The following DIP2B variants were observed in gnomAD, a reference collection of about 807,000 sequenced individuals.
DIP2B encodes the protein DIP2 acetate--CoA ligase B (putative).
DIP2B carries 76 observed loss-of-function variants against 198.0 expected under a neutral mutation model. The observed-to-expected ratio is 0.38, with a 90% CI of 0.32 to 0.46. The LOEUF is 0.46. DIP2B is among the 20% of genes least tolerant of loss of function. DIP2B has a pLI of 0.99. For missense variants in DIP2B, 1,559 were observed against 1,978.4 expected (o/e 0.79, Z 4.02); for synonymous variants, 701 against 739.1 (o/e 0.95, Z 0.84).
chr12:50,639,723 G>A (rs1938221654), intron 2 of DIP2B, among the ~76,000 whole-genome samples: 1 of 151,980 alleles, frequency 6.6e-6, no homozygotes, highest in Admixed American at 6.6e-5. Context: ...CTGCCTTGCT[G>A]GGCATAACCG....
chr12:50,690,280 G>A (rs961620469), intron 12 of DIP2B, among the ~76,000 whole-genome samples: 11 of 152,230 alleles, frequency 7.2e-5, no homozygotes, highest in Admixed American at 2.0e-4. Context: ...TAGAGACGTC[G>A]TTTCACCACA....
At chr12:50,669,617 G>A (rs1374317543) in intron 4 of DIP2B, among the ~76,000 whole-genome samples, 1 of 152,168 alleles carries the variant, frequency 6.6e-6, no homozygotes, top group Non-Finnish European at 1.5e-5. Context: ...TAAAGACAGG[G>A]TTTCGCGATG....
chr12:50,586,025 A>G (rs1958767411), intron 1 of DIP2B, among the ~76,000 whole-genome samples: 1 of 152,224 alleles, frequency 6.6e-6, no homozygotes, highest in South Asian at 2.1e-4. Flanking sequence ...TCCCACAAAC[A>G]CATGGCATTC....
At position 50,583,332 on chromosome 12, in the gene DIP2B, A is replaced by G. The variant is rs897915818; in HGVS notation, c.101-42644A>G. Among the ~76,000 whole-genome samples, 4 of 151,022 alleles carry G rather than the reference A, an allele frequency of 2.6e-5. No individual in the cohort carries two copies. The Middle Eastern group carries it at 0.01, about 388-fold the overall frequency. ...TTTTTGGCAGCCAGACTCCTCTTCTATTGTGTCCCTCCAGTTGGTTATAGT... is the reference window on the plus strand; with the variant it reads ...TTTTTGGCAGCCAGACTCCTCTTCTGTTGTGTCCCTCCAGTTGGTTATAGT... On this transcript the variant is annotated intron_variant, in intron 1 of 37. Transcript: ENST00000301180.
chr12:50,718,983 G>A lies in DIP2B; in HGVS notation c.2990G>A (p.Trp997Ter). Residue 997 changes from tryptophan (W) to a stop codon, truncating the protein, a stop_gained, in exon 25 of 38, where the codon TGG becomes TAG. Coordinates refer to ENST00000301180, the MANE Select transcript of DIP2B (RefSeq NM_173602.3). LOFTEE classifies it high-confidence loss of function. ...CAGTTTCTGGCAGAGATCCTACAGT[G>A]GCGAGCCCAGGCGACTCCTGACCAT... ...KHQFLAEILQWRAQATPDHVL... is the reference protein window; with the variant it reads ...KHQFLAEILQ The A allele has an allele frequency of 6.2e-7, 1 of 1,614,170 alleles. No individual in the cohort carries two copies.
Position 50,640,872 on chromosome 12 carries a change from T to C in DIP2B, c.301+20T>C, listed in dbSNP as rs1938244028. ...GATCAGGTGAGGAGAAGCTGCAGAA[T>C]GGCCAGCTGAATCGTTTTCCTAACA... On this transcript the variant is annotated intron_variant, in intron 3 of 37. Transcript: ENST00000301180. 2 of 1,607,250 alleles carry C rather than the reference T, an allele frequency of 1.2e-6. No individual in the cohort carries two copies. The highest frequency in any genetic ancestry group is 1.7e-6 in the Non-Finnish European group (2 of 1,177,448).
At chr12:50,535,233 A>C (rs554321597) in intron 1 of DIP2B, among the ~76,000 whole-genome samples, 2 of 152,228 alleles carry the variant, frequency 1.3e-5, no homozygotes, top group East Asian at 1.9e-4. Context: ...GCCTATCTCA[A>C]AAAGAAGAAA....
intron 3 of DIP2B, among the ~76,000 whole-genome samples, chr12:50,645,149 A>T (rs1027560967): frequency 6.6e-6 from 1 of 152,232 alleles, no homozygotes; most frequent in Non-Finnish European, 1.5e-5. Context: ...TAAATGCAGT[A>T]TAAAATTATT....
At chr12:50,628,535 C>T (rs189636689) in intron 2 of DIP2B, among the ~76,000 whole-genome samples, 7 of 152,260 alleles carry the variant, frequency 4.6e-5, no homozygotes, top group Admixed American at 4.6e-4. Context: ...CTTGGTATGC[C>T]GTTGCTGTCA....
intron 1 of DIP2B, among the ~76,000 whole-genome samples, chr12:50,511,295 T>TTTTTTTTG (rs1958014317): frequency 8.9e-6 from 1 of 112,108 alleles, no homozygotes; most frequent in African/African-American, 3.5e-5. Flanking sequence ...ATTTCTATTT[T>TTTTTTTTG]TTTTTTTTTT....
At chr12:50,732,949 C>T (rs1940070974) in intron 32 of DIP2B, among the ~76,000 whole-genome samples, 1 of 151,934 alleles carries the variant, frequency 6.6e-6, no homozygotes, top group Non-Finnish European at 1.5e-5. Context: ...TCTGTCACCC[C>T]AGCTGGAGTG....
At chr12:50,540,663 C>G (rs2139374293) in intron 1 of DIP2B, among the ~76,000 whole-genome samples, 1 of 151,860 alleles carries the variant, frequency 6.6e-6, no homozygotes, top group African/African-American at 2.4e-5. Context: ...ATTCTCCTGC[C>G]TCAGCCTACC....
At position 50,732,640 on chromosome 12, in the gene DIP2B, C is replaced by T; in HGVS notation, c.3981+104C>T. On this transcript the variant is annotated intron_variant, in intron 32 of 37. Coordinates refer to ENST00000301180, the MANE Select transcript of DIP2B (RefSeq NM_173602.3). ...GCTGCCTGGGCTTGGGCCCCAGCCG[C>T]ACTTACTTGCTTTGGAACTTCGGGC... The T allele has an allele frequency of 2.1e-6, 3 of 1,406,424 alleles. No individual in the cohort carries two copies. In the East Asian group the frequency reaches 6.9e-5, roughly 32 times the overall value. The allele number at this position is 1,406,424 out of a possible 1,614,324, so 87.1% of individuals were successfully genotyped here. A position where few individuals can be genotyped will look rare whatever the true frequency, so the allele number is the denominator to read the frequency against.
intron 30 of DIP2B, among the ~76,000 whole-genome samples, chr12:50,730,001 G>A (rs1371620583): frequency 2.0e-5 from 3 of 152,114 alleles, no homozygotes; most frequent in Non-Finnish European, 4.4e-5. Flanking sequence ...AGGATTATAG[G>A]TGTGAGCCAC....
At chr12:50,671,163 T>C (rs754770970) in intron 4 of DIP2B, 23 bp from the exon 5 acceptor site, 7 of 1,611,464 alleles carry the variant, frequency 4.3e-6, no homozygotes, top group East Asian at 2.2e-5. Context: ...ATCGAGAACT[T>C]CTTTTTTTCT....
chr12:50,694,579 G>A (rs190730313), intron 14 of DIP2B, among the ~76,000 whole-genome samples: 94 of 151,220 alleles, frequency 6.2e-4, no homozygotes, highest in Non-Finnish European at 1.2e-3. Context: ...CAGCTACCCT[G>A]GAGGCTGAGG....
rs772482308 is a variant in DIP2B at position 50,675,339 on chromosome 12, C to T, written c.807C>T (p.Val269=). Residue 269 remains valine, a synonymous_variant, in exon 7 of 38, where the codon GTC becomes GTT. Transcript: ENST00000301180. The part of the protein sequence containing the change: ...SLMDTADGVP[V]SSRVSTKIQQ... ...TTTTTTCCCTTATAGGTGTTCCTGT[C>T]AGTAGCAGAGTATCTACAAAAATCC... The T allele has an allele frequency of 2.5e-6, 4 of 1,612,070 alleles. No individual in the cohort carries two copies. In the South Asian group the frequency reaches 4.4e-5, roughly 18 times the overall value.
chr12:50,707,997 G>A (rs1164774480), intron 21 of DIP2B, among the ~76,000 whole-genome samples: 2 of 151,802 alleles, frequency 1.3e-5, no homozygotes, highest in Admixed American at 6.6e-5. Flanking sequence ...CCTTCTGCCC[G>A]GAAACCTCTT....
intron 1 of DIP2B, among the ~76,000 whole-genome samples, chr12:50,573,352 T>C (rs908004641): frequency 6.6e-6 from 1 of 152,242 alleles, no homozygotes; most frequent in Non-Finnish European, 1.5e-5. Flanking sequence ...GCTTACAGTT[T>C]AGTAGCGCAT....
Sources: allele counts gnomAD v4.1 joint callset (sites outside exome capture counted in the v4.1 genomes callset), GRCh38; gene constraint gnomAD v4.1.1; transcripts MANE v1.5; gene names NCBI Gene and HGNC (gene_info 2026-07-23, HGNC 2026-07-21).